Variants in SMG6 observed in about 807,000 individuals in gnomAD.
SMG6 encodes SMG6 nonsense mediated mRNA decay factor.
Under a neutral mutation model 142.2 loss-of-function variants are expected in SMG6, and 66 were observed. The observed-to-expected ratio is 0.46, with a 90% confidence interval of 0.38 to 0.57. The LOEUF is 0.57. Ranked by LOEUF, SMG6 falls within the 20% of genes least tolerant of loss-of-function variation. SMG6 has a pLI of 0.00. For missense variants in SMG6, 1,793 were observed against 1,832.0 expected (o/e 0.98, Z 0.39); for synonymous variants, 779 against 702.4 (o/e 1.11, Z -1.72).
intron 13 of SMG6, among the ~76,000 whole-genome samples, chr17:2,160,305 C>T (rs2071136143): frequency 6.6e-6 from 1 of 152,074 alleles, no homozygotes; most frequent in Non-Finnish European, 1.5e-5. Context: ...CTGCAGCCTC[C>T]GCCTCCTGGG....
At chr17:2,249,098 T>C (rs1236293613) in intron 8 of SMG6, among the ~76,000 whole-genome samples, 1 of 151,964 alleles carries the variant, frequency 6.6e-6, no homozygotes, top group Non-Finnish European at 1.5e-5. Context: ...TTTCACCGTG[T>C]TAGCCAGGAT....
rs113781889 is a variant in SMG6 at position 2,150,313 on chromosome 17, T to A, written c.3357+22345A>T. ...AACCACCCACTGCTAACCCTGTCTG[T>A]GGAAAAACTGTCTCCCACAAAACCA... On this transcript the variant is annotated intron_variant, in intron 13 of 18. Transcript: ENST00000263073. 1.2e-3 allele frequency among the ~76,000 whole-genome samples: 182 copies of A among 152,302 alleles called. 1 individual carries two copies. Among genetic ancestry groups the A allele is most frequent in the African/African-American group, 4.2e-3 (173 of 41,570 alleles).
intron 12 of SMG6, among the ~76,000 whole-genome samples, chr17:2,181,485 G>A (rs1257812216): frequency 1.3e-5 from 2 of 152,254 alleles, no homozygotes; most frequent in African/African-American, 4.8e-5. Flanking sequence ...CACAGAAGGA[G>A]ATGTTTTTCT....
At chr17:2,292,501 T>G (rs2075059870) in intron 6 of SMG6, 51 bp downstream of exon 6, 1 of 1,550,616 alleles carries the variant, frequency 6.4e-7, no homozygotes. Context: ...AACTCCATAT[T>G]GTAAGATACT....
intron 10 of SMG6, among the ~76,000 whole-genome samples, chr17:2,225,151 T>C (rs2073279213): frequency 6.6e-6 from 1 of 152,074 alleles, no homozygotes; most frequent in Admixed American, 6.6e-5. Flanking sequence ...ATAGAGGGTC[T>C]GAAATGCAAA....
chr17:2,160,617 C>T (rs1487398316), intron 13 of SMG6, among the ~76,000 whole-genome samples: 1 of 152,076 alleles, frequency 6.6e-6, no homozygotes, highest in African/African-American at 2.4e-5. Context: ...ATCACCTAAA[C>T]CTAGGAGTTC....
At chr17:2,290,197 G>C (rs2075000606) in intron 6 of SMG6, among the ~76,000 whole-genome samples, 1 of 152,276 alleles carries the variant, frequency 6.6e-6, no homozygotes, top group South Asian at 2.1e-4. Context: ...AAAGGTGGAA[G>C]ACTGACACTA....
intron 10 of SMG6, chr17:2,213,943 T>C (rs2072937950): frequency 6.6e-6 from 1 of 152,246 alleles, no homozygotes; most frequent in East Asian, 1.9e-4. Flanking sequence ...ATAAAATAAA[T>C]TTGTAAAAGC....
intron 8 of SMG6, among the ~76,000 whole-genome samples, chr17:2,270,900 C>T (rs2074528892): frequency 6.6e-6 from 1 of 152,190 alleles, no homozygotes; most frequent in Non-Finnish European, 1.5e-5. Flanking sequence ...AGATGCCTAA[C>T]ATTTCTTGAA....
chr17:2,087,501 A>G, intron 13 of SMG6: 1 of 1,044,416 alleles, frequency 9.6e-7, no homozygotes, highest in Non-Finnish European at 1.2e-6. Context: ...TGGAATCTCA[A>G]GCTAAGTACT....
chr17:2,091,791 C>T (rs1464932816), intron 13 of SMG6, among the ~76,000 whole-genome samples: 1 of 151,852 alleles, frequency 6.6e-6, no homozygotes, highest in Non-Finnish European at 1.5e-5. Context: ...CTACCTCAGC[C>T]TCCCGAGTAG....
chr17:2,155,239 T>C (rs2070965538), intron 13 of SMG6, among the ~76,000 whole-genome samples: 1 of 151,990 alleles, frequency 6.6e-6, no homozygotes, highest in African/African-American at 2.4e-5. Flanking sequence ...TTTTTGTATT[T>C]TTAGTAGAGA....
chr17:2,284,692 G>A (rs2074865751), intron 6 of SMG6, among the ~76,000 whole-genome samples: 1 of 152,132 alleles, frequency 6.6e-6, no homozygotes, highest in Non-Finnish European at 1.5e-5. Context: ...AGGTTCTAAG[G>A]TCAGTGCCTG....
chr17:2,213,207 A>T (rs2072915688), intron 10 of SMG6, among the ~76,000 whole-genome samples: 2 of 152,370 alleles, frequency 1.3e-5, no homozygotes, highest in South Asian at 4.1e-4. Flanking sequence ...CAAGAGGCAG[A>T]ACTGCTCTGC....
chr17:2,303,641 C>A lies in SMG6; in HGVS notation c.80G>T (p.Gly27Val), dbSNP rs62066966. The A allele has an allele frequency of 1.5e-5, 22 of 1,486,060 alleles. No homozygotes were observed. Among genetic ancestry groups the A allele is most frequent in the Non-Finnish European group, 2.0e-5 (22 of 1,124,924 alleles). The allele number at this position is 1,486,060 out of a possible 1,614,324, so 92.1% of individuals were successfully genotyped here. ...TGGGCGGCGCGACTCACCTCTGCTC[C>A]CGGCCTGCGGGGCCAGAGTAGCCAG... ...GILATLAPQA[G>V]SRENMKELKE... is the part of the protein sequence containing the mutation. The change falls in exon 1 of 19, where the codon GGG (glycine) becomes GTG (valine). Residue 27 changes from glycine (G) to valine (V), a missense_variant. Coordinates refer to ENST00000263073, the MANE Select transcript of SMG6 (RefSeq NM_017575.5).
chr17:2,173,655 C>A (rs1191154790), intron 12 of SMG6, among the ~76,000 whole-genome samples: 1 of 152,122 alleles, frequency 6.6e-6, no homozygotes. Context: ...GGCTGGCTGT[C>A]CTAATTGCGT....
At chr17:2,223,223 A>C (rs1022688466) in intron 10 of SMG6, among the ~76,000 whole-genome samples, 7 of 152,228 alleles carry the variant, frequency 4.6e-5, no homozygotes, top group African/African-American at 1.7e-4. Context: ...TCAGAAGCCA[A>C]AGTGTGAACA....
rs370306466 is a variant in SMG6 at position 2,277,518 on chromosome 17, A to C, written c.2661+5129T>G. 5.3e-5 allele frequency among the ~76,000 whole-genome samples: 8 copies of C among 152,302 alleles called. No individual in the cohort carries two copies. The East Asian group carries it at 1.5e-3, about 29-fold the overall frequency. On this transcript the variant is annotated intron_variant, in intron 8 of 18. Coordinates refer to ENST00000263073, the MANE Select transcript of SMG6 (RefSeq NM_017575.5). ...ATGTATAAAATTGTACAACAGTTTTAAATCAGGCTCCTATCTTTTTCACTA... is the reference window on the plus strand; with the variant it reads ...ATGTATAAAATTGTACAACAGTTTTCAATCAGGCTCCTATCTTTTTCACTA...
chr17:2,249,074 C>T lies in SMG6; in HGVS notation c.2662-4355G>A, dbSNP rs369756955. Among the ~76,000 whole-genome samples, 546 of 150,190 alleles carry T rather than the reference C, an allele frequency of 3.6e-3. 2 individuals are homozygous for T. Among genetic ancestry groups the T allele is most frequent in the African/African-American group, 5.4e-3 (220 of 40,952 alleles). ...GTTAATTTTTTTTTTTTTGTATTTTCAGTAGAGATGGGGTTTCACCGTGTT... is the reference window on the plus strand; with the variant it reads ...GTTAATTTTTTTTTTTTTGTATTTTTAGTAGAGATGGGGTTTCACCGTGTT... On this transcript the variant is annotated intron_variant, in intron 8 of 18. Transcript: ENST00000263073.
Sources: allele counts gnomAD v4.1 joint callset (sites outside exome capture counted in the v4.1 genomes callset), GRCh38; gene constraint gnomAD v4.1.1; transcripts MANE v1.5; gene names NCBI Gene and HGNC (gene_info 2026-07-23, HGNC 2026-07-21).